Variants in LRRC20 observed in about 807,000 individuals in gnomAD.
LRRC20 encodes the protein leucine-rich repeat-containing protein 20.
Under a neutral mutation model 14.4 loss-of-function variants are expected in LRRC20, and 11 were observed. The observed-to-expected ratio is 0.77, with a 90% CI of 0.48 to 1.27. LRRC20 has a LOEUF of 1.27. LRRC20 is among the 50% of genes most tolerant of loss of function. The pLI, the probability that LRRC20 is intolerant of heterozygous loss-of-function variation, is 0.00. For synonymous variants in LRRC20, 121 were observed against 107.3 expected (o/e 1.13, Z -0.79); for missense variants, 219 against 251.2 (o/e 0.87, Z 0.87).
chr10:70,369,603 CTCAAAAAAAAAAAA>C (rs1379474855), intron 2 of LRRC20, among the ~76,000 whole-genome samples: 1 of 55,908 alleles, frequency 1.8e-5, no homozygotes, highest in African/African-American at 7.9e-5. Context: ...AAGACGCTGT[CTCAAAAAAAAAAAA>C]AAAAAAAAAA....
At chr10:70,355,934 C>A (rs1843501349) in intron 2 of LRRC20, among the ~76,000 whole-genome samples, 1 of 152,130 alleles carries the variant, frequency 6.6e-6, no homozygotes, top group South Asian at 2.1e-4. Context: ...GGTGCCTTCT[C>A]ACGTCCTGCT....
chr10:70,356,515 G>A lies in LRRC20; in HGVS notation c.83-15813C>T, dbSNP rs141088588. On this transcript the variant is annotated intron_variant, in intron 2 of 4. Coordinates refer to ENST00000446961, the MANE Select transcript of LRRC20 (RefSeq NM_001278212.2). ...TGGGCAACAGAGCCAGACCTTTTGA[G>A]ACTTTGTCTCAAAAAAATAAAAACA... Among the ~76,000 whole-genome samples, 548 of 146,508 alleles carry A rather than the reference G, an allele frequency of 3.7e-3. 6 individuals are homozygous for A. In the South Asian group the frequency reaches 0.059, roughly 16 times the overall value.
intron 1 of LRRC20, among the ~76,000 whole-genome samples, chr10:70,378,962 A>G (rs899744785): frequency 6.6e-6 from 1 of 151,996 alleles, no homozygotes; most frequent in African/African-American, 2.4e-5. Flanking sequence ...TAAATAAATC[A>G]ACAAACCAAC....
chr10:70,378,413 C>T (rs553128646), intron 1 of LRRC20, among the ~76,000 whole-genome samples: 21 of 150,978 alleles, frequency 1.4e-4, no homozygotes, highest in Admixed American at 1.1e-3. Context: ...GAGGCCTAGG[C>T]GGGTGGATCA....
intron 3 of LRRC20, among the ~76,000 whole-genome samples, chr10:70,325,602 C>T (rs906294634): frequency 6.6e-6 from 1 of 152,196 alleles, no homozygotes; most frequent in African/African-American, 2.4e-5. Context: ...CTTGGAGTTG[C>T]CTGCCTGCCA....
Position 70,301,197 on chromosome 10 carries a change from A to G in LRRC20, c.*157T>C. The G allele has an allele frequency of 1.4e-6, 2 of 1,418,790 alleles. No homozygotes were observed. Among genetic ancestry groups the G allele is most frequent in the East Asian group, 2.6e-5 (1 of 38,976 alleles). The allele number at this position is 1,418,790 out of a possible 1,614,324, so 87.9% of individuals were successfully genotyped here. A position where few individuals can be genotyped will look rare whatever the true frequency, so the allele number is the denominator to read the frequency against. On this transcript the variant is annotated 3_prime_UTR_variant, in exon 5 of 5. Coordinates refer to ENST00000446961, the MANE Select transcript of LRRC20 (RefSeq NM_001278212.2). ...GCATTCCAGAGCCCACTACTGCTGT[A>G]AGCTATCTATCCAGACCAGCTGCAC...
In LRRC20 at chr10:70,340,571, T is replaced by A. The variant is rs1453543052; in HGVS notation, c.214A>T (p.Thr72Ser). Reference protein sequence around the residue: ...LKSLTSKFMTTFSQLRELHLE... With the variant: ...LKSLTSKFMTSFSQLRELHLE... ...GGCCTACCTCGGAGCTGACTGAATG[T>A]GGTCATGAACTTGCTGGTGAGGGAC... Residue 72 changes from threonine (T) to serine (S), a missense_variant, in exon 3 of 5, where the codon ACA becomes TCA. Transcript: ENST00000446961. 1 of 1,614,180 alleles carries A rather than the reference T, an allele frequency of 6.2e-7. No individual in the cohort carries two copies. The highest frequency in any genetic ancestry group is 1.1e-5 in the South Asian group (1 of 91,076).
chr10:70,306,634 T>C lies in LRRC20; in HGVS notation c.401-5126A>G, dbSNP rs569270852. Among the ~76,000 whole-genome samples the C allele has an allele frequency of 5.5e-4, 84 of 152,346 alleles. 1 individual carries two copies. The highest frequency in any genetic ancestry group is 1.8e-3 in the African/African-American group (76 of 41,582). Reference sequence around the variant, plus strand: ...TTGATCACTTGATCAATGTGTAACTTGCTTTCTCCACTATATAATTACTAT... The same window carrying C: ...TTGATCACTTGATCAATGTGTAACTCGCTTTCTCCACTATATAATTACTAT... On this transcript the variant is annotated intron_variant, in intron 4 of 4. Transcript: ENST00000446961.
intron 2 of LRRC20, among the ~76,000 whole-genome samples, chr10:70,342,099 G>A (rs1842936771): frequency 6.6e-6 from 1 of 151,892 alleles, no homozygotes; most frequent in Non-Finnish European, 1.5e-5. Context: ...AGGAGTTTGA[G>A]ACCAGCCTGG....
chr10:70,367,615 T>C (rs1172937027), intron 2 of LRRC20, among the ~76,000 whole-genome samples: 1 of 152,290 alleles, frequency 6.6e-6, no homozygotes, highest in East Asian at 1.9e-4. Context: ...TTATTTACTC[T>C]ATCATTCCAT....
At chr10:70,349,098 C>T (rs1247324648) in intron 2 of LRRC20, among the ~76,000 whole-genome samples, 2 of 152,148 alleles carry the variant, frequency 1.3e-5, no homozygotes, top group Non-Finnish European at 2.9e-5. Context: ...GGGATGTCAT[C>T]GAGAAGGTCT....
chr10:70,362,931 G>A (rs1354420204), intron 2 of LRRC20, among the ~76,000 whole-genome samples: 1 of 152,106 alleles, frequency 6.6e-6, no homozygotes, highest in Non-Finnish European at 1.5e-5. Flanking sequence ...TAGGTCGTGA[G>A]GGTGGAGCCC....
intron 2 of LRRC20, among the ~76,000 whole-genome samples, chr10:70,355,564 G>A (rs1307439403): frequency 4.6e-5 from 7 of 152,210 alleles, no homozygotes; most frequent in South Asian, 2.1e-4. Flanking sequence ...CTTCTGAGAC[G>A]TGGGGAAACC....
chr10:70,343,666 A>G (rs1308418258), intron 2 of LRRC20, among the ~76,000 whole-genome samples: 1 of 152,222 alleles, frequency 6.6e-6, no homozygotes, highest in East Asian at 1.9e-4. Context: ...TGGGGATTCT[A>G]AAAAGAGTAA....
chr10:70,376,544 G>A lies in LRRC20; in HGVS notation c.-11C>T, dbSNP rs775302731. The A allele has an allele frequency of 1.4e-5, 22 of 1,612,328 alleles. No individual in the cohort carries two copies. Among genetic ancestry groups the A allele is most frequent in the Non-Finnish European group, 1.9e-5 (22 of 1,179,774 alleles). On this transcript the variant is annotated 5_prime_UTR_variant, in exon 2 of 5. Coordinates refer to ENST00000446961, the MANE Select transcript of LRRC20 (RefSeq NM_001278212.2). Reference sequence around the variant, plus strand: ...CATCTTCTTCAGCATGCAGACACAGGTGTCCTGCCGCCAGCCCCCAGGCTG... The same window carrying A: ...CATCTTCTTCAGCATGCAGACACAGATGTCCTGCCGCCAGCCCCCAGGCTG...
intron 2 of LRRC20, among the ~76,000 whole-genome samples, chr10:70,356,855 CAAAACAAAACAA>C (rs1033172812): frequency 6.6e-6 from 1 of 151,218 alleles, no homozygotes; most frequent in African/African-American, 2.4e-5. Flanking sequence ...CACCTCAAAA[CAAAACAAAACAA>C]AAAACAAAGC....
At chr10:70,367,343 AG>A (rs1434858921) in intron 2 of LRRC20, among the ~76,000 whole-genome samples, 106 of 133,406 alleles carry the variant, frequency 7.9e-4, no homozygotes, top group Middle Eastern at 7.9e-3. Flanking sequence ...AAAAAAAAAA[AG>A]AAAGAAAAGA....
rs748776229 is a variant in LRRC20 at position 70,300,308 on chromosome 10, T to C, written c.*1046A>G. 2.1e-6 allele frequency: 2 copies of C among 957,638 alleles called. No homozygotes were observed. Among genetic ancestry groups the C allele is most frequent in the Non-Finnish European group, 2.5e-6 (2 of 804,704 alleles). 59.3% of individuals were successfully genotyped at this position (957,638 alleles called of 1,614,324 possible). ...CCCAGTTTTAGCATTGAAAGTTCCA[T>C]GTCCTGGGAAACCAGGACAGCTGGT... is the stretch of plus-strand genomic sequence containing the variant. On this transcript the variant is annotated 3_prime_UTR_variant, in exon 5 of 5. Coordinates refer to ENST00000446961, the MANE Select transcript of LRRC20 (RefSeq NM_001278212.2).
rs57284629 is a variant in LRRC20 at position 70,304,470 on chromosome 10, T to TTATATA, written c.401-2968_401-2963dup. ...GCTATATAGATATCAGGCCACTTCT[T>TTATATA]TATATATATATATATATATATATAT... On this transcript the variant is annotated intron_variant, in intron 4 of 4. Transcript: ENST00000446961. 6.7e-3 allele frequency among the ~76,000 whole-genome samples: 764 copies of TTATATA among 113,678 alleles called. 14 individuals carry two copies. Among genetic ancestry groups the TTATATA allele is most frequent in the South Asian group, 0.011 (40 of 3,562 alleles). The allele number at this position is 113,678 out of a possible 152,430, so 74.6% of individuals were successfully genotyped here.
Sources: gnomAD v4.1 joint callset for allele counts (sites outside exome capture counted in the v4.1 genomes callset) on GRCh38, gnomAD v4.1.1 for gene constraint, MANE v1.5 for transcripts, NCBI Gene and HGNC (gene_info 2026-07-23, HGNC 2026-07-21) for gene names.